Variants in FAM135B observed in about 807,000 individuals in gnomAD.
The protein encoded by FAM135B is protein FAM135B.
In FAM135B, 43 loss-of-function variants were observed where a neutral mutation model predicts 127.7. That is an observed-to-expected ratio of 0.34 (90% CI 0.26 to 0.43). The LOEUF (loss-of-function observed/expected upper bound fraction) is 0.43, where lower values mean the gene tolerates loss of function less well. Among genes scored for constraint, FAM135B ranks in the 20% least tolerant of loss-of-function variants. The pLI is 1.00. For missense variants in FAM135B, 1,558 were observed against 1,725.6 expected (o/e 0.90, Z 1.72); for synonymous variants, 670 against 665.1 (o/e 1.01, Z -0.11).
At position 138,338,480 on chromosome 8, in the gene FAM135B, A is replaced by C. The variant is rs1226629912; in HGVS notation, c.78-27560T>G. On this transcript the variant is annotated intron_variant, in intron 2 of 19. Transcript: ENST00000395297. ...AAACAGACACTTCTCAAAAGAAGACATTTATGCAGCCAAAAGACACATGAA... is the reference window on the plus strand; with the variant it reads ...AAACAGACACTTCTCAAAAGAAGACCTTTATGCAGCCAAAAGACACATGAA... Among the ~76,000 whole-genome samples, 99 of 152,182 alleles carry C rather than the reference A, an allele frequency of 6.5e-4. 1 individual carries two copies. In the East Asian group the frequency reaches 0.016, roughly 25 times the overall value.
At chr8:138,249,234 T>C (rs1033325527) in intron 6 of FAM135B, among the ~76,000 whole-genome samples, 4 of 152,228 alleles carry the variant, frequency 2.6e-5, no homozygotes, top group Admixed American at 2.6e-4. Context: ...CCTGTGGGAA[T>C]ATTCTTCACA....
At chr8:138,164,971 T>C (rs967920320) in intron 12 of FAM135B, among the ~76,000 whole-genome samples, 7 of 152,192 alleles carry the variant, frequency 4.6e-5, no homozygotes, top group African/African-American at 1.7e-4. Flanking sequence ...TGCAACCATG[T>C]CTTGTTGCTG....
intron 2 of FAM135B, among the ~76,000 whole-genome samples, chr8:138,333,350 A>G (rs1349553740): frequency 6.6e-6 from 1 of 151,768 alleles, no homozygotes; most frequent in Non-Finnish European, 1.5e-5. Flanking sequence ...CTTGCTTCCT[A>G]CTCCCTAGGC....
chr8:138,204,024 T>C (rs1221735455), intron 7 of FAM135B, among the ~76,000 whole-genome samples: 1 of 151,964 alleles, frequency 6.6e-6, no homozygotes, highest in Non-Finnish European at 1.5e-5. Context: ...ATGTGAGTGA[T>C]GGAGAGTGGC....
intron 5 of FAM135B, among the ~76,000 whole-genome samples, chr8:138,253,656 A>G (rs1821869203): frequency 6.6e-6 from 1 of 152,108 alleles, no homozygotes; most frequent in Non-Finnish European, 1.5e-5. Flanking sequence ...ACAACCAAAC[A>G]TGTCTCTGGG....
At chr8:138,224,408 G>A (rs1005600340) in intron 7 of FAM135B, among the ~76,000 whole-genome samples, 2 of 152,096 alleles carry the variant, frequency 1.3e-5, no homozygotes, top group Non-Finnish European at 2.9e-5. Flanking sequence ...CGCAAGAGGG[G>A]CTAGAGAGAA....
intron 1 of FAM135B, among the ~76,000 whole-genome samples, chr8:138,430,904 C>T (rs1199706839): frequency 3.9e-5 from 6 of 152,150 alleles, no homozygotes; most frequent in Admixed American, 3.9e-4. Flanking sequence ...CCTCAGTTTC[C>T]TCATCCCTAA....
rs1219859978 is a variant in FAM135B at position 138,242,489 on chromosome 8, A to G, written c.669+453T>C. Among the ~76,000 whole-genome samples the G allele has an allele frequency of 1.3e-5, 2 of 152,026 alleles. No homozygotes were observed. Among genetic ancestry groups the G allele is most frequent in the Non-Finnish European group, 2.9e-5 (2 of 68,010 alleles). The stretch of plus-strand genomic sequence containing the variant: ...GGCTAGGAACTTTACATTTATTACA[A>G]CATTTGGGTACATATAACACTCCAT... On this transcript the variant is annotated intron_variant, in intron 7 of 19. Transcript: ENST00000395297. This position sits in a 1 kb window ranked among gnomAD's most constrained non-coding sequence, Gnocchi z 9.6.
Position 138,242,501 on chromosome 8 carries a change from A to C in FAM135B, c.669+441T>G, listed in dbSNP as rs1223580621. Among the ~76,000 whole-genome samples, 1 of 152,086 alleles carries C rather than the reference A, an allele frequency of 6.6e-6. No individual in the cohort carries two copies. Among genetic ancestry groups the C allele is most frequent in the Non-Finnish European group, 1.5e-5 (1 of 68,034 alleles). On this transcript the variant is annotated intron_variant, in intron 7 of 19. Transcript: ENST00000395297. This position sits in a 1 kb window ranked among gnomAD's most constrained non-coding sequence, Gnocchi z 9.6. ...TACATTTATTACAACATTTGGGTAC[A>C]TATAACACTCCATGAGATTATTAGC...
chr8:138,213,005 T>A (rs1266912874), intron 7 of FAM135B, among the ~76,000 whole-genome samples: 1 of 152,212 alleles, frequency 6.6e-6, no homozygotes, highest in Non-Finnish European at 1.5e-5. Flanking sequence ...AGAATCACTA[T>A]GTGTAATATT....
intron 1 of FAM135B, among the ~76,000 whole-genome samples, chr8:138,380,186 C>T (rs1474965838): frequency 6.6e-6 from 1 of 151,108 alleles, no homozygotes; most frequent in Non-Finnish European, 1.5e-5. Context: ...TTTTTCTTTT[C>T]TTTTCTTTTC....
chr8:138,203,071 T>C (rs977343384), intron 7 of FAM135B, among the ~76,000 whole-genome samples: 16 of 152,348 alleles, frequency 1.1e-4, no homozygotes, highest in Non-Finnish European at 1.8e-4. Flanking sequence ...TAGTACTTGA[T>C]AACTGTTAGA....
chr8:138,251,053 G>A (rs2130491143), intron 5 of FAM135B, 39 bp from the exon 6 acceptor site: 1 of 1,609,144 alleles, frequency 6.2e-7, no homozygotes, highest in Non-Finnish European at 8.5e-7. Context: ...AGAAATGGTG[G>A]GTTGCCCCTG....
chr8:138,257,080 G>A (rs1162725375), intron 4 of FAM135B, among the ~76,000 whole-genome samples: 1 of 152,072 alleles, frequency 6.6e-6, no homozygotes, highest in African/African-American at 2.4e-5. Context: ...ATCCCATCTG[G>A]GGCAAGAGTA....
chr8:138,152,195 C>A lies in FAM135B; in HGVS notation c.2280G>T (p.Arg760=), dbSNP rs760988236. The A allele has an allele frequency of 4.6e-5, 75 of 1,614,020 alleles. No homozygotes were observed. The highest frequency in any genetic ancestry group is 6.0e-5 in the Non-Finnish European group (71 of 1,180,048). The change falls in exon 13 of 20, where the codon CGG becomes CGT. Residue 760 remains arginine (R), a synonymous_variant. Transcript: ENST00000395297. ...TGGTTAACTTAGTGAGTGCCACCTC[C>A]CGCTCATCCTCCTCAAAAGGTAAAG... ...ISSLPFEEDE[R]EVALTKLTKS...
At chr8:138,391,311 C>T (rs1350525563) in intron 1 of FAM135B, among the ~76,000 whole-genome samples, 3 of 152,044 alleles carry the variant, frequency 2.0e-5, no homozygotes, top group Non-Finnish European at 4.4e-5. Flanking sequence ...GGATCCAGGG[C>T]TACAGAGCCC....
intron 5 of FAM135B, among the ~76,000 whole-genome samples, chr8:138,252,398 C>T (rs1012283292): frequency 6.6e-6 from 1 of 152,176 alleles, no homozygotes; most frequent in Non-Finnish European, 1.5e-5. Flanking sequence ...CTCACTATTG[C>T]TTTGAATCCA....
At chr8:138,366,271 C>A (rs1404900329) in intron 2 of FAM135B, among the ~76,000 whole-genome samples, 2 of 152,130 alleles carry the variant, frequency 1.3e-5, no homozygotes, top group Admixed American at 6.5e-5. Flanking sequence ...ATGTCTAATA[C>A]CATGATGGAA....
At chr8:138,419,489 G>A (rs929901224) in intron 1 of FAM135B, among the ~76,000 whole-genome samples, 7 of 151,928 alleles carry the variant, frequency 4.6e-5, no homozygotes, top group South Asian at 2.1e-4. Context: ...ACCCAAACTC[G>A]ACACTTTACC....
Sources: allele counts gnomAD v4.1 joint callset (sites outside exome capture counted in the v4.1 genomes callset), GRCh38; gene constraint gnomAD v4.1.1; non-coding constraint Gnocchi (gnomAD v3.1); transcripts MANE v1.5; gene names NCBI Gene and HGNC (gene_info 2026-07-23, HGNC 2026-07-21).